The following LDHC variants were observed in gnomAD, a reference collection of about 807,000 sequenced individuals.
The protein encoded by LDHC is lactate dehydrogenase C, also known as L-lactate dehydrogenase C chain.
Under a neutral mutation model 30.2 loss-of-function variants are expected in LDHC, and 20 were observed. That is an observed-to-expected ratio of 0.66 (90% CI 0.47 to 0.96). The LOEUF (loss-of-function observed/expected upper bound fraction) is 0.96. Ranked by LOEUF, LDHC falls within the 40% of genes least tolerant of loss-of-function variation. The pLI is 0.00. For synonymous variants in LDHC, 139 were observed against 132.7 expected (o/e 1.05, Z -0.32); for missense variants, 362 against 394.9 (o/e 0.92, Z 0.71).
At chr11:18,439,527 C>T (rs1848418722) in intron 6 of LDHC, among the ~76,000 whole-genome samples, 3 of 134,454 alleles carry the variant, frequency 2.2e-5, no homozygotes, top group Admixed American at 8.2e-5. Flanking sequence ...AGCGCCATTG[C>T]ACTCCAGCCT....
At chr11:18,444,645 T>TAC (rs1217733851) in intron 6 of LDHC, among the ~76,000 whole-genome samples, 11 of 120,600 alleles carry the variant, frequency 9.1e-5, no homozygotes, top group African/African-American at 3.1e-4. Context: ...TATATATATA[T>TAC]ATATGCCTTA....
At chr11:18,423,754 C>T (rs201297118) in intron 3 of LDHC, among the ~76,000 whole-genome samples, 1 of 151,402 alleles carries the variant, frequency 6.6e-6, no homozygotes, top group Non-Finnish European at 1.5e-5. Flanking sequence ...AGCAAAGAGA[C>T]AAGCCATAAA....
At chr11:18,427,308 T>C (rs1217243908) in intron 3 of LDHC, among the ~76,000 whole-genome samples, 3 of 152,072 alleles carry the variant, frequency 2.0e-5, no homozygotes, top group African/African-American at 4.8e-5. Context: ...TGAGCTGAGA[T>C]TGCACCACTG....
intron 2 of LDHC, among the ~76,000 whole-genome samples, chr11:18,414,734 A>C (rs962385406): frequency 6.6e-6 from 1 of 152,158 alleles, no homozygotes; most frequent in South Asian, 2.1e-4. Context: ...AGGCTGAAGC[A>C]CGAAAATTGC....
chr11:18,441,532 CT>C (rs2133842674), intron 6 of LDHC, among the ~76,000 whole-genome samples: 1 of 150,950 alleles, frequency 6.6e-6, no homozygotes, highest in South Asian at 2.1e-4. Context: ...GTCTTAATCT[CT>C]TGACCTCATG....
At chr11:18,418,312 A>G (rs1310755967) in intron 3 of LDHC, among the ~76,000 whole-genome samples, 1 of 149,198 alleles carries the variant, frequency 6.7e-6, no homozygotes, top group Non-Finnish European at 1.5e-5. Context: ...ACATAGACAT[A>G]CTAGATAGTA....
At chr11:18,427,041 T>A (rs1258172364) in intron 3 of LDHC, among the ~76,000 whole-genome samples, 1 of 152,200 alleles carries the variant, frequency 6.6e-6, no homozygotes, top group South Asian at 2.1e-4. Context: ...CTGAGTTATC[T>A]TCTTAAGAAC....
At chr11:18,432,760 C>T (rs551786899) in intron 4 of LDHC, among the ~76,000 whole-genome samples, 8 of 152,148 alleles carry the variant, frequency 5.3e-5, no homozygotes, top group Non-Finnish European at 8.8e-5. Context: ...AAGTTTGTTT[C>T]GTCTGATATG....
Position 18,412,736 on chromosome 11 carries a change from CAGCTAATTGAGA to C in LDHC, c.31_42del (p.Lys11_Glu14del). ...TCTCCAAATGTCAACTGTCAAGGAG[CAGCTAATTGAGA>C]AGCTAATTGAGGATGATGAAAACTC... is the stretch of plus-strand genomic sequence containing the variant. On this transcript the variant is annotated inframe_deletion, in exon 2 of 8. Transcript: ENST00000541669. 1.2e-6 allele frequency: 2 copies of C among 1,613,776 alleles called. No homozygotes were observed. Among genetic ancestry groups the C allele is most frequent in the Non-Finnish European group, 1.7e-6 (2 of 1,179,714 alleles).
chr11:18,438,312 A>G (rs73438687), intron 5 of LDHC, among the ~76,000 whole-genome samples: 22,732 of 152,124 alleles, frequency 0.15, 1,880 homozygotes, highest in African/African-American at 0.21. Flanking sequence ...TCACTCTTCA[A>G]CAGGAGATGA....
chr11:18,449,694 A>C (rs1180334684), intron 7 of LDHC, among the ~76,000 whole-genome samples: 1 of 152,148 alleles, frequency 6.6e-6, no homozygotes, highest in Non-Finnish European at 1.5e-5. Flanking sequence ...GAGCTGGACT[A>C]TGGTAGAGGA....
chr11:18,425,316 A>G (rs1565049628), intron 3 of LDHC, among the ~76,000 whole-genome samples: 1 of 151,926 alleles, frequency 6.6e-6, no homozygotes, highest in Non-Finnish European at 1.5e-5. Context: ...TCCAGAGGAC[A>G]AATGTGAACT....
chr11:18,426,313 G>A (rs1848161586), intron 3 of LDHC, among the ~76,000 whole-genome samples: 1 of 152,122 alleles, frequency 6.6e-6, no homozygotes, highest in Non-Finnish European at 1.5e-5. Context: ...GATCACCTGA[G>A]GTCAGGAGTT....
intron 3 of LDHC, among the ~76,000 whole-genome samples, chr11:18,421,395 C>G (rs897967759): frequency 6.6e-6 from 1 of 151,686 alleles, no homozygotes; most frequent in Non-Finnish European, 1.5e-5. Context: ...AGGTGTAGGT[C>G]GGATGTGGTG....
chr11:18,435,023 T>G (rs1446761161), intron 5 of LDHC, 110 bp downstream of exon 5: 1 of 666,670 alleles, frequency 1.5e-6, no homozygotes, highest in Non-Finnish European at 2.4e-6. Flanking sequence ...AGTTTAATTT[T>G]TTTGGTATTT....
chr11:18,448,755 TG>T (rs111685913), intron 7 of LDHC, among the ~76,000 whole-genome samples: 2,263 of 148,484 alleles, frequency 0.015, 59 homozygotes, highest in African/African-American at 0.052. Flanking sequence ...ATTTTTTTTT[TG>T]TGTGTCAAAT....
At chr11:18,448,752 T>TC (rs1180783290) in intron 7 of LDHC, among the ~76,000 whole-genome samples, 3 of 151,666 alleles carry the variant, frequency 2.0e-5, no homozygotes, top group African/African-American at 7.3e-5. Context: ...TGGATTTTTT[T>TC]TTTGTGTGTC....
At chr11:18,424,939 C>G (rs775415922) in intron 3 of LDHC, among the ~76,000 whole-genome samples, 1 of 151,962 alleles carries the variant, frequency 6.6e-6, no homozygotes, top group Non-Finnish European at 1.5e-5. Context: ...ACCTGGGAGG[C>G]GGAAGTTGCA....
At chr11:18,420,520 T>C (rs570854744) in intron 3 of LDHC, among the ~76,000 whole-genome samples, 15 of 151,428 alleles carry the variant, frequency 9.9e-5, no homozygotes, top group African/African-American at 3.4e-4. Flanking sequence ...TAAGTGTCAA[T>C]CTGGAATCTA....
Sources: allele counts gnomAD v4.1 joint callset (sites outside exome capture counted in the v4.1 genomes callset), GRCh38; gene constraint gnomAD v4.1.1; transcripts MANE v1.5; gene names NCBI Gene and HGNC (gene_info 2026-07-23, HGNC 2026-07-21).